Variants in POLR2E observed in about 807,000 individuals in gnomAD.
The protein encoded by POLR2E is RNA polymerase II, I and III subunit E, also known as DNA-directed RNA polymerases I, II, and III subunit RPABC1.
Under a neutral mutation model 29.8 loss-of-function variants are expected in POLR2E, and 35 were observed. The observed-to-expected ratio is 1.17, with a 90% CI of 0.90 to 1.55. The LOEUF (loss-of-function observed/expected upper bound fraction) is 1.55, where lower values mean the gene tolerates loss of function less well. POLR2E is among the 40% of genes most tolerant of loss of function. The pLI is 0.00. For synonymous variants in POLR2E, 174 were observed against 112.6 expected, an observed-to-expected ratio of 1.55 and a Z score of -3.45; for missense variants, 287 against 288.6, an observed-to-expected ratio of 0.99 and a Z score of 0.04.
In POLR2E at chr19:1,087,976, CCTCACGGGAAGGGAAGAGACAGACACG is replaced by C. The variant is rs1227668677; in HGVS notation, c.*732_*758del. ...CACAAGCCAGAGAACAACTCCACACCCTCACGGGAAGGGAAGAGACAGACACGCTCACGCCTTACCCAGGAGCACGAA... is the reference window on the plus strand; with the variant it reads ...CACAAGCCAGAGAACAACTCCACACCCTCACGCCTTACCCAGGAGCACGAA... On this transcript the variant is annotated 3_prime_UTR_variant, in exon 8 of 8. Coordinates refer to ENST00000615234, the MANE Select transcript of POLR2E (RefSeq NM_002695.5). The C allele has an allele frequency of 6.6e-6, 1 of 152,390 alleles. No homozygotes were observed. The highest frequency in any genetic ancestry group is 1.5e-5 in the Non-Finnish European group (1 of 68,110). 9.4% of individuals were successfully genotyped at this position (152,390 alleles called of 1,614,324 possible).
rs142922622 is a variant in POLR2E at position 1,088,501 on chromosome 19, T to G, written c.*234A>C. ...CCCAGGTGACCTCCCTCTGGGGGCCTTGTTCCTTCTGAGGCTGCATCTCGC... is the reference window on the plus strand; with the variant it reads ...CCCAGGTGACCTCCCTCTGGGGGCCGTGTTCCTTCTGAGGCTGCATCTCGC... On this transcript the variant is annotated 3_prime_UTR_variant, in exon 8 of 8. Transcript: ENST00000615234. The G allele has an allele frequency of 6.6e-6, 1 of 152,154 alleles. No individual in the cohort carries two copies. Among genetic ancestry groups the G allele is most frequent in the African/African-American group, 2.4e-5 (1 of 41,338 alleles). The allele number at this position is 152,154 out of a possible 1,614,324, so 9.4% of individuals were successfully genotyped here.
In POLR2E at chr19:1,092,507, C is replaced by T. The variant is rs550156476; in HGVS notation, c.233-600G>A. Among the ~76,000 whole-genome samples, 217 of 151,372 alleles carry T rather than the reference C, an allele frequency of 1.4e-3. 1 individual carries two copies. Among genetic ancestry groups the T allele is most frequent in the Middle Eastern group, 0.01 (3 of 294 alleles). The stretch of plus-strand genomic sequence containing the variant: ...ACGATGTCAGGAGATCGAGACCACC[C>T]TGGCTAACAAGGTGAAATCCCGTTT... On this transcript the variant is annotated intron_variant, in intron 2 of 7. Transcript: ENST00000615234.
chr19:1,089,096 G>A (rs1474663867), intron 7 of POLR2E, among the ~76,000 whole-genome samples: 1 of 152,200 alleles, frequency 6.6e-6, no homozygotes, highest in African/African-American at 2.4e-5. Context: ...TCAGGGAAGG[G>A]TTGGCCTGAA....
At chr19:1,095,050 G>C (rs1272194227) in intron 1 of POLR2E, 2 of 426,584 alleles carry the variant, frequency 4.7e-6, no homozygotes, top group Non-Finnish European at 4.2e-6. Context: ...ACCGCACCCA[G>C]ACGTCTCGAA....
intron 7 of POLR2E, among the ~76,000 whole-genome samples, chr19:1,089,026 G>C (rs75639405): frequency 6.6e-6 from 1 of 152,168 alleles, no homozygotes; most frequent in Non-Finnish European, 1.5e-5. Context: ...GGAGGCTCTC[G>C]CCATGGGCAG....
chr19:1,094,980 C>A, intron 1 of POLR2E: 2 of 417,136 alleles, frequency 4.8e-6, no homozygotes, highest in East Asian at 1.0e-4. Flanking sequence ...TTCGCGGCTT[C>A]CTCCTCCTCT....
chr19:1,089,517 C>A lies in POLR2E; in HGVS notation c.602G>T (p.Gly201Val). The change falls in exon 7 of 8, where the codon GGC becomes GTC. Residue 201 changes from glycine (G) to valine (V), a missense_variant. Physicochemically the swap from Gly to Val is moderately radical, Grantham distance 109. Transcript: ENST00000615234. The stretch of plus-strand genomic sequence containing the variant: ...CACCAGCCGGTAGGTGATGTACCTG[C>A]CAGCCGTCTCACTGGGCCGGATGAT... The part of the protein sequence containing the change: ...VKIIRPSETA[G>V]RYITYRLVQ 2.5e-6 allele frequency: 4 copies of A among 1,613,852 alleles called. No homozygotes were observed. Among genetic ancestry groups the A allele is most frequent in the Non-Finnish European group, 3.4e-6 (4 of 1,179,846 alleles).
At chr19:1,089,861 C>T in intron 6 of POLR2E, 23 bp downstream of exon 6, 1 of 1,587,022 alleles carries the variant, frequency 6.3e-7, no homozygotes, top group Non-Finnish European at 8.6e-7. Context: ...AGCCCCAGGG[C>T]CCCTTCTCCC....
chr19:1,089,609 G>A (rs2043785484), intron 6 of POLR2E, 58 bp from the exon 7 acceptor site: 1 of 1,441,822 alleles, frequency 6.9e-7, no homozygotes, highest in Non-Finnish European at 9.8e-7. Context: ...GCAGTCACCA[G>A]ACAGCAGGCG....
rs1014397570 is a variant in POLR2E at position 1,088,363 on chromosome 19, G to A, written c.*372C>T. On this transcript the variant is annotated 3_prime_UTR_variant, in exon 8 of 8. Coordinates refer to ENST00000615234, the MANE Select transcript of POLR2E (RefSeq NM_002695.5). ...GGGCCCCCGAGGGAGGGAAGACGAG[G>A]GGTGGAAGGCCGAGGGCCCAGGAGG... The A allele has an allele frequency of 2.6e-5, 4 of 152,478 alleles. No homozygotes were observed. The highest frequency in any genetic ancestry group is 9.7e-5 in the African/African-American group (4 of 41,448). 9.4% of individuals were successfully genotyped at this position (152,478 alleles called of 1,614,324 possible).
At position 1,089,605 on chromosome 19, in the gene POLR2E, A is replaced by C. The variant is rs2043785356; in HGVS notation, c.568-54T>G. 3 of 1,442,184 alleles carry C rather than the reference A, an allele frequency of 2.1e-6. No individual in the cohort carries two copies. In the African/African-American group the frequency reaches 4.2e-5, roughly 20 times the overall value. 89.3% of individuals were successfully genotyped at this position (1,442,184 alleles called of 1,614,324 possible). A position where few individuals can be genotyped will look rare whatever the true frequency, so the allele number is the denominator to read the frequency against. On this transcript the variant is annotated intron_variant, in intron 6 of 7. Coordinates refer to ENST00000615234, the MANE Select transcript of POLR2E (RefSeq NM_002695.5). ...ATGCTTGAGGGGTCTCACTGCAGTC[A>C]CCAGACAGCAGGCGGGCAGCACACG...
In POLR2E at chr19:1,089,565, G is replaced by A. The variant is rs199507033; in HGVS notation, c.568-14C>T. ...GATCTTCACCACCTGCAGAGACAGA[G>A]AGCAGGGGCTGCGAATGCTTGAGGG... On this transcript the variant is annotated splice_polypyrimidine_tract_variant and intron_variant, in intron 6 of 7. Transcript: ENST00000615234. 2 of 1,611,750 alleles carry A rather than the reference G, an allele frequency of 1.2e-6. No individual in the cohort carries two copies. The highest frequency in any genetic ancestry group is 1.7e-6 in the Non-Finnish European group (2 of 1,177,996).
chr19:1,092,189 T>G (rs749451790), intron 2 of POLR2E: 1 of 394,132 alleles, frequency 2.5e-6, no homozygotes, highest in Non-Finnish European at 4.8e-6. Context: ...TCTGAGAGGC[T>G]CCCACCCTGG....
In POLR2E at chr19:1,087,137, T is replaced by A. The variant is rs931146425; in HGVS notation, c.*1598A>T. The A allele has an allele frequency of 6.6e-6, 1 of 152,004 alleles. No homozygotes were observed. The highest frequency in any genetic ancestry group is 2.4e-5 in the African/African-American group (1 of 41,322). 9.4% of individuals were successfully genotyped at this position (152,004 alleles called of 1,614,324 possible). The stretch of plus-strand genomic sequence containing the variant: ...TCCCAAAGTGTTGGGATTACAGGTG[T>A]GAGCCACTGTGCCCAGGTAATCTTA... On this transcript the variant is annotated 3_prime_UTR_variant, in exon 8 of 8. Transcript: ENST00000615234.
chr19:1,089,809 G>T, intron 6 of POLR2E, 75 bp downstream of exon 6: 1 of 1,216,206 alleles, frequency 8.2e-7, no homozygotes, highest in Non-Finnish European at 1.2e-6. Flanking sequence ...GGGCTGTCGG[G>T]GAGGGACAGA....
rs2043675980 is a variant in POLR2E, at chr19:1,086,694, CCAGGGAGGGGA to C, written c.*2030_*2040del. On this transcript the variant is annotated 3_prime_UTR_variant, in exon 8 of 8. Transcript: ENST00000615234. ...GCAGCTGCAAGCTTAGAAGAAGGGG[CCAGGGAGGGGA>C]CAGAGAGAGCCCCGTGGCGTGGCCC... The C allele has an allele frequency of 6.6e-6, 1 of 151,772 alleles. No homozygotes were observed. The allele number at this position is 151,772 out of a possible 1,614,324, so 9.4% of individuals were successfully genotyped here. A position where few individuals can be genotyped will look rare whatever the true frequency, so the allele number is the denominator to read the frequency against.
chr19:1,094,781 GC>G, intron 1 of POLR2E: 1 of 177,912 alleles, frequency 5.6e-6, no homozygotes. Flanking sequence ...GCCTCCATCT[GC>G]CCCAGACCCC....
chr19:1,093,749 C>A, intron 2 of POLR2E, 155 bp downstream of exon 2: 1 of 1,411,498 alleles, frequency 7.1e-7, no homozygotes, highest in Non-Finnish European at 9.2e-7. Flanking sequence ...TCAACGGCAT[C>A]ACCCACAGCA....
rs769539043 is a variant in POLR2E at position 1,090,069 on chromosome 19, T to A, written c.488+18A>T. ...GAGGGACAGGGAGGGGCGGGGCCGG[T>A]GGGGCTGGAAAGGATACTATCGGGC... On this transcript the variant is annotated intron_variant, in intron 5 of 7. Coordinates refer to ENST00000615234, the MANE Select transcript of POLR2E (RefSeq NM_002695.5). The A allele has an allele frequency of 6.3e-7, 1 of 1,595,956 alleles. No homozygotes were observed. The highest frequency in any genetic ancestry group is 1.1e-5 in the South Asian group (1 of 90,260).
Sources: gnomAD v4.1 joint callset for allele counts (sites outside exome capture counted in the v4.1 genomes callset) on GRCh38, gnomAD v4.1.1 for gene constraint, MANE v1.5 for transcripts, NCBI Gene and HGNC (gene_info 2026-07-23, HGNC 2026-07-21) for gene names.